IGSF11: variants seen among roughly 807,000 people sequenced by gnomAD.
IGSF11 encodes CXADR like 1.
Under a neutral mutation model 41.0 loss-of-function variants are expected in IGSF11, and 22 were observed. The ratio of observed to expected loss-of-function variants is 0.54; its 90% CI spans 0.38 to 0.77. The LOEUF is 0.77. Among genes scored for constraint, IGSF11 ranks in the 30% least tolerant of loss-of-function variants. The pLI is 0.00. For synonymous variants in IGSF11, 219 were observed against 201.3 expected (o/e 1.09, Z -0.74); for missense variants, 444 against 530.8 (o/e 0.84, Z 1.61).
chr3:119,108,894 T>C (rs1300646034), upstream of IGSF11, among the ~76,000 whole-genome samples: 5 of 140,468 alleles, frequency 3.6e-5, no homozygotes, highest in Admixed American at 1.5e-4. Flanking sequence ...ATTACATTTA[T>C]TGATTTGCAT....
intron 1 of IGSF11, among the ~76,000 whole-genome samples, chr3:119,044,487 T>C (rs1374008032): frequency 1.3e-5 from 2 of 152,130 alleles, no homozygotes; most frequent in Non-Finnish European, 2.9e-5. Context: ...AAAAAGTATT[T>C]GAGGAAATAA....
intron 1 of IGSF11, among the ~76,000 whole-genome samples, chr3:119,092,313 T>G (rs2076776853): frequency 6.6e-6 from 1 of 152,184 alleles, no homozygotes; most frequent in Admixed American, 6.5e-5. Context: ...TAGTGTAGCC[T>G]AAGTGGTATA....
chr3:119,139,114 A>C (rs2077603880), intron 1 of IGSF11, among the ~76,000 whole-genome samples: 1 of 152,204 alleles, frequency 6.6e-6, no homozygotes, highest in Non-Finnish European at 1.5e-5. Flanking sequence ...TTGTATCAAA[A>C]TATCTCATTT....
chr3:119,125,912 C>G (rs1402404202), intron 1 of IGSF11, among the ~76,000 whole-genome samples: 1 of 152,182 alleles, frequency 6.6e-6, no homozygotes, highest in Admixed American at 6.5e-5. Flanking sequence ...ATCAGAAGAC[C>G]CCGCTCGCGA....
chr3:118,929,663 TTA>T (rs1164927291), intron 2 of IGSF11, among the ~76,000 whole-genome samples: 49 of 152,298 alleles, frequency 3.2e-4, no homozygotes, highest in African/African-American at 1.1e-3. Context: ...TATTAATAAT[TTA>T]TATGAGACTC....
intron 1 of IGSF11, among the ~76,000 whole-genome samples, chr3:118,966,919 G>C (rs764677553): frequency 2.0e-4 from 31 of 152,036 alleles, no homozygotes; most frequent in Non-Finnish European, 3.7e-4. Flanking sequence ...ACAGGAGGTG[G>C]TAACACAGCA....
At chr3:118,913,495 A>C (rs1188440824) in intron 4 of IGSF11, among the ~76,000 whole-genome samples, 2 of 152,248 alleles carry the variant, frequency 1.3e-5, no homozygotes, top group Non-Finnish European at 2.9e-5. Flanking sequence ...GTGGGAAGAA[A>C]ATGAAACATT....
At chr3:119,055,410 G>A (rs1941791279) in intron 1 of IGSF11, among the ~76,000 whole-genome samples, 1 of 152,160 alleles carries the variant, frequency 6.6e-6, no homozygotes, top group African/African-American at 2.4e-5. Flanking sequence ...AATTCAACAA[G>A]AAGAGCTAAC....
intron 1 of IGSF11, among the ~76,000 whole-genome samples, chr3:119,111,070 T>G: frequency 6.6e-6 from 1 of 152,092 alleles, no homozygotes; most frequent in Non-Finnish European, 1.5e-5. Context: ...TTATGTGTCT[T>G]GGAGTTGCTC....
At chr3:119,092,123 T>G (rs2076773030) in intron 1 of IGSF11, among the ~76,000 whole-genome samples, 1 of 151,918 alleles carries the variant, frequency 6.6e-6, no homozygotes, top group Non-Finnish European at 1.5e-5. Flanking sequence ...GCAATTTTCA[T>G]GCCTCAGACT....
At chr3:118,912,093 CTTTAT>C (rs1940395635) in intron 4 of IGSF11, among the ~76,000 whole-genome samples, 1 of 152,124 alleles carries the variant, frequency 6.6e-6, no homozygotes, top group South Asian at 2.1e-4. Context: ...ATACACTATA[CTTTAT>C]ATTTACCAAG....
At position 119,034,609 on chromosome 3, in the gene IGSF11, C is replaced by A; in HGVS notation, c.-27G>T. 3.2e-6 allele frequency: 5 copies of A among 1,570,596 alleles called. No individual in the cohort carries two copies. The highest frequency in any genetic ancestry group is 4.3e-6 in the Non-Finnish European group (5 of 1,159,992). On this transcript the variant is annotated 5_prime_UTR_variant, in exon 1 of 7. The change creates a new upstream start codon in the 5' untranslated region. Transcript: ENST00000393775. ...CCGGGGCCGCAGGGAGCGCGCCTGC[C>A]TCCTACCCGGCTCCCGGTCGCAACA... is the stretch of plus-strand genomic sequence containing the variant.
At chr3:119,113,812 G>A (rs1340440949) in intron 1 of IGSF11, among the ~76,000 whole-genome samples, 2 of 152,270 alleles carry the variant, frequency 1.3e-5, no homozygotes, top group Non-Finnish European at 2.9e-5. Flanking sequence ...TCTCCATGAG[G>A]GCTCTGCCCC....
At chr3:119,083,627 T>C (rs1359186570) in intron 1 of IGSF11, among the ~76,000 whole-genome samples, 3 of 152,050 alleles carry the variant, frequency 2.0e-5, no homozygotes, top group Admixed American at 2.0e-4. Flanking sequence ...TAAGATATAA[T>C]AGAATTCAAA....
At chr3:118,938,336 T>A (rs900463372) in intron 1 of IGSF11, among the ~76,000 whole-genome samples, 1 of 152,214 alleles carries the variant, frequency 6.6e-6, no homozygotes, top group Non-Finnish European at 1.5e-5. Context: ...GGCCATTGAT[T>A]AGTGCTGCCC....
intron 1 of IGSF11, among the ~76,000 whole-genome samples, chr3:119,065,944 G>A (rs1942220277): frequency 6.6e-6 from 1 of 152,000 alleles, no homozygotes; most frequent in African/African-American, 2.4e-5. Flanking sequence ...CATCAGGGGA[G>A]GGCTGTTTTT....
intron 1 of IGSF11, among the ~76,000 whole-genome samples, chr3:118,960,483 T>TA (rs1318483808): frequency 6.6e-6 from 1 of 152,194 alleles, no homozygotes; most frequent in Non-Finnish European, 1.5e-5. Context: ...TACGTATGTA[T>TA]AAAATGTATC....
chr3:119,055,152 G>T (rs112390328), intron 1 of IGSF11, among the ~76,000 whole-genome samples: 3,751 of 152,176 alleles, frequency 0.025, 150 homozygotes, highest in African/African-American at 0.086. Flanking sequence ...AAACAGAAAG[G>T]ACATCCACAC....
chr3:119,035,107 C>T (rs1438249394), upstream of IGSF11, among the ~76,000 whole-genome samples: 1 of 152,136 alleles, frequency 6.6e-6, no homozygotes, highest in East Asian at 1.9e-4. Flanking sequence ...TGGGCGCCCT[C>T]CTCGCCGGAG....
Sources: gnomAD v4.1 joint callset for allele counts (sites outside exome capture counted in the v4.1 genomes callset) on GRCh38, gnomAD v4.1.1 for gene constraint, MANE v1.5 for transcripts, NCBI Gene and HGNC (gene_info 2026-07-23, HGNC 2026-07-21) for gene names.